CAST: variants seen among roughly 807,000 people sequenced by gnomAD.
The protein encoded by CAST is MIR583 host.
A neutral mutation model predicts 119.6 loss-of-function variants in CAST; 76 were observed. The ratio of observed to expected loss-of-function variants is 0.64; its 90% CI spans 0.53 to 0.77. The LOEUF is 0.77. Among genes scored for constraint, CAST ranks in the 30% least tolerant of loss-of-function variants. The pLI is 0.00. For synonymous variants in CAST, 319 were observed against 331.6 expected (o/e 0.96, Z 0.41); for missense variants, 953 against 946.5 (o/e 1.01, Z -0.09).
the CAST span, among the ~76,000 whole-genome samples, chr5:96,151,449 A>G: frequency 6.6e-6 from 1 of 152,214 alleles, no homozygotes; most frequent in South Asian, 2.1e-4. Flanking sequence ...CAGCCTGGGC[A>G]ACATAGTGAG....
At chr5:96,238,554 A>ATTT in the CAST span, among the ~76,000 whole-genome samples, 15 of 136,246 alleles carry the variant, frequency 1.1e-4, no homozygotes, top group South Asian at 4.7e-4. Context: ...CACCTGGCTA[A>ATTT]TTTTTTTTTT....
chr5:96,580,024 T>C (rs1340514572), intron 1 of CAST, among the ~76,000 whole-genome samples: 1 of 152,234 alleles, frequency 6.6e-6, no homozygotes, highest in African/African-American at 2.4e-5. Context: ...TCAAAGTCAC[T>C]GTAGTACTTC....
At chr5:96,406,978 T>A in the CAST span, among the ~76,000 whole-genome samples, 1 of 152,306 alleles carries the variant, frequency 6.6e-6, no homozygotes. Context: ...TATTGGACTA[T>A]TGGGTAATTA....
At chr5:96,654,093 A>C (rs1748127298) in intron 1 of CAST, among the ~76,000 whole-genome samples, 1 of 146,216 alleles carries the variant, frequency 6.8e-6, no homozygotes, top group Non-Finnish European at 1.5e-5. Flanking sequence ...GTGCGATCTC[A>C]GCTCACTGCA....
the CAST span, among the ~76,000 whole-genome samples, chr5:96,466,834 G>A: frequency 3.9e-5 from 6 of 152,030 alleles, no homozygotes; most frequent in African/African-American, 1.2e-4. Flanking sequence ...ATGTGTATTT[G>A]TATTGCTGGA....
chr5:96,093,308 G>A, the CAST span, among the ~76,000 whole-genome samples: 18 of 152,076 alleles, frequency 1.2e-4, no homozygotes, highest in Non-Finnish European at 2.2e-4. Flanking sequence ...ACATGGTACA[G>A]AGAAAATGTT....
the CAST span, among the ~76,000 whole-genome samples, chr5:96,013,619 T>C: frequency 6.6e-6 from 1 of 152,134 alleles, no homozygotes; most frequent in Admixed American, 6.5e-5. Flanking sequence ...ACAAACATCA[T>C]AGAGTATACT....
intron 1 of CAST, among the ~76,000 whole-genome samples, chr5:96,597,076 G>A (rs1434585100): frequency 6.6e-6 from 1 of 152,158 alleles, no homozygotes; most frequent in Non-Finnish European, 1.5e-5. Context: ...TGTGAATTTT[G>A]TGGGGGACAC....
the CAST span, among the ~76,000 whole-genome samples, chr5:96,280,659 A>G: frequency 6.6e-6 from 1 of 152,248 alleles, no homozygotes; most frequent in African/African-American, 2.4e-5. Context: ...TTATTTAAGT[A>G]TCAAATGAGA....
At chr5:96,160,630 G>A in the CAST span, among the ~76,000 whole-genome samples, 1 of 152,272 alleles carries the variant, frequency 6.6e-6, no homozygotes, top group East Asian at 1.9e-4. Context: ...TTACCTAGGA[G>A]TGGAATTGCT....
chr5:96,132,545 C>A, the CAST span, among the ~76,000 whole-genome samples: 1 of 152,056 alleles, frequency 6.6e-6, no homozygotes, highest in African/African-American at 2.4e-5. Context: ...CACTAAACAA[C>A]CTCTCTTCAT....
At chr5:96,163,058 C>A in the CAST span, among the ~76,000 whole-genome samples, 1 of 152,116 alleles carries the variant, frequency 6.6e-6, no homozygotes, top group South Asian at 2.1e-4. Flanking sequence ...ATTACTAATT[C>A]AACATCTTTC....
At chr5:96,021,446 G>T in the CAST span, among the ~76,000 whole-genome samples, 2 of 151,804 alleles carry the variant, frequency 1.3e-5, no homozygotes. Context: ...GTATTGATCA[G>T]CATTTTCTTT....
At chr5:96,602,365 G>A (rs1352776159) in intron 1 of CAST, among the ~76,000 whole-genome samples, 1 of 152,216 alleles carries the variant, frequency 6.6e-6, no homozygotes. Flanking sequence ...CGTCAGATAA[G>A]AGTCCTGCCC....
chr5:96,334,598 C>T, the CAST span, among the ~76,000 whole-genome samples: 5 of 152,214 alleles, frequency 3.3e-5, no homozygotes, highest in Non-Finnish European at 7.3e-5. Flanking sequence ...TCCTGTCACT[C>T]ACTTCCTTCA....
At chr5:96,302,530 A>G in the CAST span, among the ~76,000 whole-genome samples, 1 of 152,080 alleles carries the variant, frequency 6.6e-6, no homozygotes, top group Non-Finnish European at 1.5e-5. Flanking sequence ...TATAAGTTCC[A>G]CTTTCAGGTC....
chr5:96,049,157 ATAATTTTT>A, the CAST span, among the ~76,000 whole-genome samples: 26 of 152,298 alleles, frequency 1.7e-4, no homozygotes, highest in Non-Finnish European at 3.5e-4. Context: ...CGACTTTATA[ATAATTTTT>A]ATGCTGTTCT....
At chr5:96,249,917 C>T in the CAST span, among the ~76,000 whole-genome samples, 1 of 152,130 alleles carries the variant, frequency 6.6e-6, no homozygotes, top group African/African-American at 2.4e-5. Flanking sequence ...CGATAGCAAC[C>T]TACCCATGAG....
the CAST span, among the ~76,000 whole-genome samples, chr5:96,252,373 G>A: frequency 6.6e-6 from 1 of 152,006 alleles, no homozygotes; most frequent in African/African-American, 2.4e-5. Context: ...CCTACTATAT[G>A]CTTGGCACTG....
Sources: allele counts gnomAD v4.1 joint callset (sites outside exome capture counted in the v4.1 genomes callset), GRCh38; gene constraint gnomAD v4.1.1; transcripts MANE v1.5; gene names NCBI Gene and HGNC (gene_info 2026-07-23, HGNC 2026-07-21).